Variants in MCF2L observed in about 807,000 individuals in gnomAD.
The protein encoded by MCF2L is guanine nucleotide exchange factor DBS.
A neutral mutation model predicts 153.4 loss-of-function variants in MCF2L; 97 were observed. The ratio of observed to expected loss-of-function variants is 0.63; its 90% CI spans 0.54 to 0.75. The LOEUF (loss-of-function observed/expected upper bound fraction) is 0.75. Among genes scored for constraint, MCF2L ranks in the 30% least tolerant of loss-of-function variants. The probability of loss-of-function intolerance (pLI) is 0.00; values close to 1 mark genes in which losing one functional copy is unlikely to be tolerated. For synonymous variants in MCF2L, 659 were observed against 632.2 expected, an observed-to-expected ratio of 1.04 and a Z score of -0.64; for missense variants, 1,347 against 1,495.2, an observed-to-expected ratio of 0.90 and a Z score of 1.64.
At chr13:113,096,738 G>A (rs1307587691) in intron 29 of MCF2L, 36 bp from the exon 30 acceptor site, 4 of 1,554,854 alleles carry the variant, frequency 2.6e-6, no homozygotes, top group South Asian at 1.2e-5. Context: ...CGGCAGAGCC[G>A]ACGCCGAAGC....
At chr13:112,981,584 C>A (rs149645549) in intron 1 of MCF2L, among the ~76,000 whole-genome samples, 1 of 152,206 alleles carries the variant, frequency 6.6e-6, no homozygotes, top group Non-Finnish European at 1.5e-5. Flanking sequence ...GCGGCCTCCG[C>A]GGCACAGATC....
In MCF2L at chr13:113,064,898, T is replaced by G; in HGVS notation, c.607-38T>G. On this transcript the variant is annotated intron_variant, in intron 6 of 29. Transcript: ENST00000535094. The surrounding 1 kb of genome is among the most constrained non-coding windows in gnomAD (Gnocchi z 6.0). ...TCAGGGCAGCAGGAGGTGGGTGCAG[T>G]GCACAAGGCATGCAATTGTGTTTTC... The G allele has an allele frequency of 1.3e-6, 2 of 1,591,540 alleles. No individual in the cohort carries two copies. The highest frequency in any genetic ancestry group is 1.7e-6 in the Non-Finnish European group (2 of 1,167,874).
At chr13:113,037,282 G>A (rs1227316139) in intron 3 of MCF2L, among the ~76,000 whole-genome samples, 1 of 152,100 alleles carries the variant, frequency 6.6e-6, no homozygotes, top group East Asian at 1.9e-4. Context: ...AGAAGGTGGA[G>A]GGCAGGCCAG....
At position 113,088,607 on chromosome 13, in the gene MCF2L, T is replaced by C; in HGVS notation, c.2813T>C (p.Leu938Pro). ...CTGGAGCAGTCACAGAGCCTGCCCC[T>C]GCCGGCCCCGACCAGCACCAGGTGA... is the stretch of plus-strand genomic sequence containing the variant. ...RALEQSQSLP[L>P]PAPTSTSPSR... Residue 938 changes from leucine (L) to proline (P), a missense_variant, in exon 25 of 30, where the codon CTG (leucine) becomes CCG (proline). Physicochemically the swap from Leu to Pro is moderately conservative, Grantham distance 98. Coordinates refer to ENST00000535094, the MANE Select transcript of MCF2L (RefSeq NM_001112732.3). The C allele has an allele frequency of 6.2e-7, 1 of 1,608,588 alleles. No individual in the cohort carries two copies. Among genetic ancestry groups the C allele is most frequent in the Non-Finnish European group, 8.5e-7 (1 of 1,179,838 alleles).
At position 113,026,508 on chromosome 13, in the gene MCF2L, G is replaced by A. The variant is rs535586336; in HGVS notation, c.278+1750G>A. Among the ~76,000 whole-genome samples, 13 of 152,306 alleles carry A rather than the reference G, an allele frequency of 8.5e-5. No individual in the cohort carries two copies. The East Asian group carries it at 1.2e-3, about 14-fold the overall frequency. ...CTGGAGGCCCAGTTGCTCAGCAGTC[G>A]GGATCTGACTTAGCCTGAGCGCTGC... On this transcript the variant is annotated intron_variant, in intron 3 of 29. Coordinates refer to ENST00000535094, the MANE Select transcript of MCF2L (RefSeq NM_001112732.3).
chr13:113,082,703 A>G (rs1221054563), intron 17 of MCF2L, among the ~76,000 whole-genome samples, 161 bp downstream of exon 17: 1 of 152,180 alleles, frequency 6.6e-6, no homozygotes, highest in Non-Finnish European at 1.5e-5. Flanking sequence ...GTGTGGGTAC[A>G]TGGGGCCATC....
Position 113,096,612 on chromosome 13 carries a change from G to C in MCF2L, c.3251G>C (p.Arg1084Pro). Reference sequence around the variant, plus strand: ...GTGCCGGCCAGCAGCCTGTCCGTCCGGCTCGGCCCGTCCGGCTCGGCCCAG... The same window carrying C: ...GTGCCGGCCAGCAGCCTGTCCGTCCCGCTCGGCCCGTCCGGCTCGGCCCAG... Reference protein sequence around the residue: ...GWVPASSLSVRLGPSGSAQCL... With the variant: ...GWVPASSLSVPLGPSGSAQCL... Residue 1084 changes from arginine (R) to proline (P), a missense_variant, in exon 29 of 30, where the codon CGG becomes CCG. This residue lies in a region of MCF2L where 383 missense variants were observed against 335.4 expected (regional missense o/e 1.14). Transcript: ENST00000535094. 1.3e-6 allele frequency: 2 copies of C among 1,598,928 alleles called. No homozygotes were observed. Among genetic ancestry groups the C allele is most frequent in the Non-Finnish European group, 1.7e-6 (2 of 1,177,142 alleles).
chr13:112,905,003 G>A (rs1210402171), intron 2 of MCF2L, among the ~76,000 whole-genome samples: 2 of 152,166 alleles, frequency 1.3e-5, no homozygotes, highest in African/African-American at 2.4e-5. Context: ...TCACACTGTT[G>A]TACAACCACC....
intron 26 of MCF2L, chr13:113,091,159 G>A (rs1157088474): frequency 6.9e-6 from 9 of 1,301,060 alleles, no homozygotes; most frequent in Non-Finnish European, 9.1e-6. Context: ...CAAGCGGCAT[G>A]AAGTAAAGAG....
Position 113,031,656 on chromosome 13 carries a change from C to T in MCF2L, c.278+6898C>T, listed in dbSNP as rs1594757495. ...CTCAGAGAAGGGACGAGGTGGGAAG[C>T]CTGGAGCTTGCTGGAGGAGCAGTGT... On this transcript the variant is annotated intron_variant, in intron 3 of 29. Transcript: ENST00000535094. This position sits in a 1 kb window ranked among gnomAD's most constrained non-coding sequence, Gnocchi z 5.5. 1.3e-5 allele frequency among the ~76,000 whole-genome samples: 2 copies of T among 152,094 alleles called. No individual in the cohort carries two copies. Among genetic ancestry groups the T allele is most frequent in the South Asian group, 4.2e-4 (2 of 4,800 alleles).
At position 113,083,277 on chromosome 13, in the gene MCF2L, G is replaced by C. The variant is rs1178711497; in HGVS notation, c.1992-721G>C. ...GGACCAGCGTGCCCCACTGGCCATGGGAATCGCCAGTGCTTGGGATGTTGT... is the reference window on the plus strand; with the variant it reads ...GGACCAGCGTGCCCCACTGGCCATGCGAATCGCCAGTGCTTGGGATGTTGT... On this transcript the variant is annotated intron_variant, in intron 17 of 29. Transcript: ENST00000535094. Among the ~76,000 whole-genome samples, 6 of 152,294 alleles carry C rather than the reference G, an allele frequency of 3.9e-5. No homozygotes were observed. In the East Asian group the frequency reaches 1.2e-3, roughly 29 times the overall value.
intron 1 of MCF2L, among the ~76,000 whole-genome samples, chr13:112,895,316 G>A (rs966928705): frequency 5.3e-5 from 8 of 152,286 alleles, no homozygotes; most frequent in East Asian, 1.9e-4. Context: ...AAGGTGGCCC[G>A]GGCCGCCCAG....
chr13:112,942,295 GTC>G (rs1175240058), intron 2 of MCF2L, among the ~76,000 whole-genome samples: 1 of 152,158 alleles, frequency 6.6e-6, no homozygotes, highest in Non-Finnish European at 1.5e-5. Context: ...GGCGTAAGCT[GTC>G]TCTCTCTCTC....
At chr13:112,914,213 C>G (rs2081266257) in intron 2 of MCF2L, among the ~76,000 whole-genome samples, 1 of 152,238 alleles carries the variant, frequency 6.6e-6, no homozygotes, top group Non-Finnish European at 1.5e-5. Context: ...TGGTGCGTCC[C>G]CCAAGAGGGC....
chr13:113,018,698 T>C (rs1167939731), intron 2 of MCF2L, among the ~76,000 whole-genome samples: 1 of 152,226 alleles, frequency 6.6e-6, no homozygotes, highest in African/African-American at 2.4e-5. Context: ...CGGGAGAATT[T>C]ACCACTGAGG....
chr13:113,066,056 G>A lies in MCF2L; in HGVS notation c.767G>A (p.Arg256Lys). 1 of 1,613,094 alleles carries A rather than the reference G, an allele frequency of 6.2e-7. No homozygotes were observed. Among genetic ancestry groups the A allele is most frequent in the Non-Finnish European group, 8.5e-7 (1 of 1,179,858 alleles). ...EKKDKAKEDL[R>K]LALKEGHSVL... ...GCATTCTCTCCACAGGAGGATTTGA[G>A]GCTGGCACTGAAAGAGGGGCACAGT... The change falls in exon 8 of 30, where the codon AGG (arginine) becomes AAG (lysine). Residue 256 changes from arginine (R) to lysine (K), a missense_variant. This residue lies in a region of MCF2L where 820 missense variants were observed against 921.2 expected (regional missense o/e 0.89). Coordinates refer to ENST00000535094, the MANE Select transcript of MCF2L (RefSeq NM_001112732.3).
rs2081579612 is a variant in MCF2L at position 112,941,996 on chromosome 13, C to G, written c.169+39625C>G. On this transcript the variant is annotated intron_variant, in intron 2 of 29. Transcript: ENST00000375608. The surrounding 1 kb of genome is among the most constrained non-coding windows in gnomAD (Gnocchi z 4.9). ...GGAAGACGCCCGTTGCCAAGCGGACCATGGTCTAGCGGTAGCGTCAGTGTC... is the reference window on the plus strand; with the variant it reads ...GGAAGACGCCCGTTGCCAAGCGGACGATGGTCTAGCGGTAGCGTCAGTGTC... Among the ~76,000 whole-genome samples, 1 of 152,202 alleles carries G rather than the reference C, an allele frequency of 6.6e-6. No homozygotes were observed. Among genetic ancestry groups the G allele is most frequent in the East Asian group, 1.9e-4 (1 of 5,182 alleles).
chr13:113,000,938 G>A (rs55704159), intron 1 of MCF2L, among the ~76,000 whole-genome samples: 73 of 94,504 alleles, frequency 7.7e-4, no homozygotes, highest in South Asian at 3.5e-3. Context: ...GGAGATGTGC[G>A]TTGACTCCAG....
chr13:112,899,173 G>C (rs1307881348), intron 1 of MCF2L, among the ~76,000 whole-genome samples: 1 of 152,246 alleles, frequency 6.6e-6, no homozygotes, highest in African/African-American at 2.4e-5. Context: ...GTGGGGCTGG[G>C]CCGAGTTCTA....
Sources: gnomAD v4.1 joint callset for allele counts (sites outside exome capture counted in the v4.1 genomes callset) on GRCh38, gnomAD v4.1.1 for gene constraint, gnomAD v4.1.1 regional missense constraint, Gnocchi (gnomAD v3.1) non-coding constraint, MANE v1.5 for transcripts, NCBI Gene and HGNC (gene_info 2026-07-23, HGNC 2026-07-21) for gene names.